Variants in XIRP2 observed in about 807,000 individuals in gnomAD.
The protein encoded by XIRP2 is xin actin binding repeat containing 2, also known as xin actin-binding repeat-containing protein 2.
A neutral mutation model predicts 277.0 loss-of-function variants in XIRP2; 236 were observed. The ratio of observed to expected loss-of-function variants is 0.85; its 90% CI spans 0.77 to 0.95. The LOEUF (loss-of-function observed/expected upper bound fraction) is 0.95, where lower values mean the gene tolerates loss of function less well. Among genes scored for constraint, XIRP2 ranks in the 40% least tolerant of loss-of-function variants. XIRP2 has a pLI of 0.00. For synonymous variants in XIRP2, 1,490 were observed against 1,416.5 expected (o/e 1.05, Z -1.17); for missense variants, 4,640 against 4,157.5 (o/e 1.12, Z -3.19).
intron 2 of XIRP2, among the ~76,000 whole-genome samples, chr2:166,981,601 G>A (rs538371451): frequency 2.9e-4 from 44 of 151,540 alleles, no homozygotes; most frequent in East Asian, 2.0e-4. Flanking sequence ...TTTTTTCACC[G>A]TGTTGCCCAG....
At chr2:166,999,331 A>C (rs1687305223) in intron 2 of XIRP2, among the ~76,000 whole-genome samples, 1 of 151,956 alleles carries the variant, frequency 6.6e-6, no homozygotes, top group Non-Finnish European at 1.5e-5. Flanking sequence ...TATTCTGTTT[A>C]TTTCTCTCTG....
In XIRP2 at chr2:167,259,294, G is replaced by C. The variant is rs765993739; in HGVS notation, c.*1477G>C. Reference sequence around the variant, plus strand: ...CTAAGCCTTTGTTTCCCAGAGTGGAGGTGCAGTCAGAACAACTCACGGTGG... The same window carrying C: ...CTAAGCCTTTGTTTCCCAGAGTGGACGTGCAGTCAGAACAACTCACGGTGG... On this transcript the variant is annotated 3_prime_UTR_variant, in exon 11 of 11. Transcript: ENST00000409195. 1.9e-6 allele frequency: 3 copies of C among 1,613,172 alleles called. No individual in the cohort carries two copies. The Admixed American group carries it at 5.0e-5, about 27-fold the overall frequency.
intron 2 of XIRP2, among the ~76,000 whole-genome samples, chr2:167,123,455 A>G (rs776101899): frequency 7.9e-5 from 12 of 152,320 alleles, no homozygotes; most frequent in Non-Finnish European, 1.5e-4. Flanking sequence ...TGCCGTAACA[A>G]AATGCCACAG....
chr2:167,219,514 G>A (rs550837886), intron 5 of XIRP2, among the ~76,000 whole-genome samples: 2 of 152,308 alleles, frequency 1.3e-5, no homozygotes, highest in East Asian at 3.9e-4. Context: ...TGGGGCTTGT[G>A]GATCTGGGTT....
chr2:167,227,752 A>C (rs1694647161), intron 5 of XIRP2, among the ~76,000 whole-genome samples: 1 of 152,156 alleles, frequency 6.6e-6, no homozygotes, highest in Non-Finnish European at 1.5e-5. Context: ...ATATAAATTA[A>C]CTGAAGGAAA....
chr2:167,196,668 T>C (rs1313653980), intron 3 of XIRP2, among the ~76,000 whole-genome samples: 3 of 152,062 alleles, frequency 2.0e-5, no homozygotes, highest in African/African-American at 7.2e-5. Flanking sequence ...GAATGGGACA[T>C]AGGGCTTTGT....
intron 2 of XIRP2, among the ~76,000 whole-genome samples, chr2:167,098,165 C>T (rs906579430): frequency 6.6e-6 from 1 of 152,156 alleles, no homozygotes; most frequent in Non-Finnish European, 1.5e-5. Flanking sequence ...TCCATTCTTC[C>T]CATCACTTTC....
chr2:167,251,235 T>A lies in XIRP2; in HGVS notation c.9843T>A (p.Asp3281Glu), dbSNP rs749900707. Residue 3281 changes from aspartate to glutamate, a missense_variant, in exon 9 of 11, where the codon GAT (aspartate) becomes GAA (glutamate). Transcript: ENST00000409195. ...ATAAAGATGGACTAAATTCCACTGATCACATGGTGCCCGACACTGAAAGTT... is the reference window on the plus strand; with the variant it reads ...ATAAAGATGGACTAAATTCCACTGAACACATGGTGCCCGACACTGAAAGTT... ...YVHKDGLNST[D>E]HMVPDTESYD... 1.9e-6 allele frequency: 3 copies of A among 1,613,588 alleles called. No homozygotes were observed. In the South Asian group the frequency reaches 3.3e-5, roughly 18 times the overall value.
intron 3 of XIRP2, among the ~76,000 whole-genome samples, chr2:167,198,902 G>C (rs371064417): frequency 6.6e-6 from 1 of 152,142 alleles, no homozygotes; most frequent in South Asian, 2.1e-4. Context: ...GTATGCTGCT[G>C]TTCGTGGACT....
rs1217862166 is a variant in XIRP2 at position 167,251,715 on chromosome 2, C to T, written c.10323C>T (p.Ser3441=). 4.3e-6 allele frequency: 7 copies of T among 1,613,264 alleles called. No homozygotes were observed. In the Admixed American group the frequency reaches 1.2e-4, roughly 27 times the overall value. Residue 3441 remains serine (S), a synonymous_variant, in exon 9 of 11, where the codon AGC becomes AGT. Coordinates refer to ENST00000409195, the MANE Select transcript of XIRP2 (RefSeq NM_152381.6). ...AGATGAAAACCTCTTCATCACATAG[C>T]TCAGAAGCTGGCAAATCTGGCTGTG... ...ESKMKTSSSH[S]SEAGKSGCDF... is the part of the protein sequence containing the mutation.
At chr2:166,898,294 A>G (rs971567047) in intron 1 of XIRP2, among the ~76,000 whole-genome samples, 3 of 152,106 alleles carry the variant, frequency 2.0e-5, no homozygotes, top group African/African-American at 7.2e-5. Flanking sequence ...GTGCATTGGA[A>G]CTGAGAGGTC....
intron 1 of XIRP2, among the ~76,000 whole-genome samples, chr2:166,891,219 T>C (rs1684095648): frequency 6.6e-6 from 1 of 152,214 alleles, no homozygotes. Context: ...ATTGCAAATA[T>C]ACAACTTCAT....
At position 167,160,415 on chromosome 2, in the gene XIRP2, T is replaced by A. The variant is rs142747032; in HGVS notation, c.562+24353T>A. Among the ~76,000 whole-genome samples the A allele has an allele frequency of 9.6e-4, 146 of 152,280 alleles. 2 individuals carry two copies. In the East Asian group the frequency reaches 0.026, roughly 27 times the overall value. ...CCAGTTTATTAGTCTGCTTTCGTGC[T>A]GCTAATAAAGACATACCCGAGACTG... On this transcript the variant is annotated intron_variant, in intron 3 of 10. Transcript: ENST00000409195.
intron 3 of XIRP2, among the ~76,000 whole-genome samples, chr2:167,209,235 G>T (rs569130812): frequency 1.1e-3 from 161 of 152,270 alleles, no homozygotes; most frequent in Non-Finnish European, 1.1e-3. Context: ...AGTGTTTACT[G>T]AATAAGAAGT....
intron 1 of XIRP2, among the ~76,000 whole-genome samples, chr2:166,893,572 C>A (rs1036423080): frequency 2.0e-5 from 3 of 152,162 alleles, no homozygotes; most frequent in Admixed American, 1.3e-4. Context: ...ATCCCCCTCA[C>A]TTTGAAGCAT....
At chr2:167,120,046 A>G (rs1414292240) in intron 2 of XIRP2, among the ~76,000 whole-genome samples, 2 of 152,100 alleles carry the variant, frequency 1.3e-5, no homozygotes, top group Non-Finnish European at 2.9e-5. Context: ...GAGCGCTAGT[A>G]CTTCCACTTT....
In XIRP2 at chr2:167,052,307, C is replaced by CT. The variant is rs571880116; in HGVS notation, c.409-83594dup. On this transcript the variant is annotated intron_variant, in intron 2 of 10. Coordinates refer to ENST00000409195, the MANE Select transcript of XIRP2 (RefSeq NM_152381.6). ...TTATGTAGAAATCTAATCTTGGCAA[C>CT]TTTTTTTTAAATAGGGGAAAGATGG... Among the ~76,000 whole-genome samples, 38 of 151,840 alleles carry CT rather than the reference C, an allele frequency of 2.5e-4. 1 individual carries two copies. The East Asian group carries it at 3.9e-3, about 15-fold the overall frequency.
Position 167,258,927 on chromosome 2 carries a change from A to G in XIRP2, c.*1110A>G. 6.2e-7 allele frequency: 1 copy of G among 1,613,176 alleles called. No individual in the cohort carries two copies. Among genetic ancestry groups the G allele is most frequent in the Non-Finnish European group, 8.5e-7 (1 of 1,179,588 alleles). On this transcript the variant is annotated 3_prime_UTR_variant, in exon 11 of 11. Coordinates refer to ENST00000409195, the MANE Select transcript of XIRP2 (RefSeq NM_152381.6). ...AGAGCAGCTGCTGGCAGTCCTGTGC[A>G]GCCTGCTCCAAAACCAAGCCTCAGC...
chr2:167,065,347 G>A (rs1352802546), intron 2 of XIRP2, among the ~76,000 whole-genome samples: 1 of 151,526 alleles, frequency 6.6e-6, no homozygotes, highest in East Asian at 1.9e-4. Flanking sequence ...TTTTAAATTG[G>A]GTTGTGTAGT....
Sources: gnomAD v4.1 joint callset for allele counts (sites outside exome capture counted in the v4.1 genomes callset) on GRCh38, gnomAD v4.1.1 for gene constraint, MANE v1.5 for transcripts, NCBI Gene and HGNC (gene_info 2026-07-23, HGNC 2026-07-21) for gene names.